Variants in FCN2 observed in about 807,000 individuals in gnomAD.
FCN2 encodes ficolin-2.
In FCN2, 31 loss-of-function variants were observed where a neutral mutation model predicts 32.5. The observed-to-expected ratio is 0.96, with a 90% CI of 0.72 to 1.29. The LOEUF (loss-of-function observed/expected upper bound fraction) is 1.29. FCN2 is among the 50% of genes most tolerant of loss of function. The pLI is 0.00. For missense variants in FCN2, 412 were observed against 406.5 expected, an observed-to-expected ratio of 1.01 and a Z score of -0.12; for synonymous variants, 181 against 164.5, an observed-to-expected ratio of 1.10 and a Z score of -0.77.
intron 1 of FCN2, among the ~76,000 whole-genome samples, chr9:134,881,239 G>A (rs1830659488): frequency 6.6e-6 from 1 of 152,180 alleles, no homozygotes; most frequent in South Asian, 2.1e-4. Flanking sequence ...GGTGAGGCTT[G>A]TGGTGCCAGC....
the FCN2 span, among the ~76,000 whole-genome samples, chr9:134,868,963 G>A: frequency 6.6e-6 from 1 of 152,200 alleles, no homozygotes; most frequent in African/African-American, 2.4e-5. This position sits in a 1 kb window ranked among gnomAD's most constrained non-coding sequence, Gnocchi z 4.3. Flanking sequence ...TCTCTGGTTG[G>A]TTTCTATCAT....
At chr9:134,886,734 G>A (rs1413472199) in intron 7 of FCN2, among the ~76,000 whole-genome samples, 170 bp downstream of exon 7, 1 of 152,148 alleles carries the variant, frequency 6.6e-6, no homozygotes, top group African/African-American at 2.4e-5. Context: ...TAGCATGGGG[G>A]TCATGGGACA....
rs1258436122 is a variant in FCN2, at chr9:134,886,500, C to T, written c.630C>T (p.Phe210=). 1 of 1,614,166 alleles carries T rather than the reference C, an allele frequency of 6.2e-7. No individual in the cohort carries two copies. The highest frequency in any genetic ancestry group is 1.1e-5 in the South Asian group (1 of 91,078). The change falls in exon 7 of 8, where the codon TTC becomes TTT. Residue 210 remains phenylalanine, a synonymous_variant. Coordinates refer to ENST00000291744, the MANE Select transcript of FCN2 (RefSeq NM_004108.3). ...ACCAGTTTGCTAAGTACAGATCATT[C>T]AAGGTGGCCGACGAGGCGGAGAAGT... is the stretch of plus-strand genomic sequence containing the variant. ...DNYQFAKYRS[F]KVADEAEKYN...
chr9:134,881,691 C>A (rs373988952), intron 1 of FCN2, among the ~76,000 whole-genome samples: 2 of 152,236 alleles, frequency 1.3e-5, no homozygotes, highest in Non-Finnish European at 2.9e-5. Flanking sequence ...TGACTAGCAT[C>A]GCATTCAAGG....
rs755400406 is a variant in FCN2 at position 134,883,388 on chromosome 9, A to C, written c.268+33A>C. ...GGGGACAAGAGTGAGAAGCGGCTTC[A>C]AGGCCCTTCCAGACCTGGCTGCAGA... On this transcript the variant is annotated intron_variant, in intron 3 of 7. Transcript: ENST00000291744. 2.5e-6 allele frequency: 4 copies of C among 1,596,854 alleles called. No individual in the cohort carries two copies. In the South Asian group the frequency reaches 4.4e-5, roughly 18 times the overall value.
the FCN2 span, among the ~76,000 whole-genome samples, chr9:134,868,688 C>T: frequency 6.6e-6 from 1 of 152,196 alleles, no homozygotes; most frequent in Admixed American, 6.5e-5. The surrounding 1 kb of genome is among the most constrained non-coding windows in gnomAD (Gnocchi z 4.3). Context: ...AGGCGAAGCC[C>T]CAGCGTGCCT....
upstream of FCN2, among the ~76,000 whole-genome samples, chr9:134,878,270 G>C (rs1405074984): frequency 6.6e-6 from 1 of 152,154 alleles, no homozygotes; most frequent in Admixed American, 6.5e-5. Context: ...AAAGGCCCTA[G>C]TTGGGACCCG....
At chr9:134,873,376 CT>C in the FCN2 span, among the ~76,000 whole-genome samples, 1 of 152,144 alleles carries the variant, frequency 6.6e-6, no homozygotes, top group Admixed American at 6.5e-5. Flanking sequence ...TCTTTTCCAG[CT>C]TTTAGAGGCT....
chr9:134,885,134 T>C, intron 4 of FCN2, 105 bp from the exon 5 acceptor site: 2 of 1,488,936 alleles, frequency 1.3e-6, no homozygotes, highest in Non-Finnish European at 9.2e-7. Context: ...GCTCTGTTCA[T>C]ACAGACGCCT....
At chr9:134,868,272 G>C in the FCN2 span, 1 of 152,498 alleles carries the variant, frequency 6.6e-6, no homozygotes, top group Non-Finnish European at 1.5e-5. The surrounding 1 kb of genome is among the most constrained non-coding windows in gnomAD (Gnocchi z 4.3). Flanking sequence ...CTCCACCGAA[G>C]ACCAAGACAA....
At chr9:134,865,839 C>T in the FCN2 span, among the ~76,000 whole-genome samples, 1 of 152,030 alleles carries the variant, frequency 6.6e-6, no homozygotes, top group East Asian at 1.9e-4. Context: ...TCTTATACAC[C>T]AACAACAGAC....
At chr9:134,864,390 C>T in the FCN2 span, among the ~76,000 whole-genome samples, 1 of 152,198 alleles carries the variant, frequency 6.6e-6, no homozygotes, top group Non-Finnish European at 1.5e-5. Context: ...AAGTGGGAAG[C>T]CTGTGGGGCC....
upstream of FCN2, among the ~76,000 whole-genome samples, chr9:134,879,918 G>C (rs1409469286): frequency 1.3e-5 from 2 of 152,086 alleles, no homozygotes; most frequent in East Asian, 3.9e-4. Context: ...CGGCCTCTGG[G>C]GCCCCACCTG....
Position 134,883,298 on chromosome 9 carries a change from G to T in FCN2, c.215-4G>T. ...CCTCAAGTCAGTGTCTTTGGAAATT[G>T]CAGGAGAACGTGGCCCCCCTGGACC... On this transcript the variant is annotated splice_polypyrimidine_tract_variant and splice_region_variant and intron_variant, in intron 2 of 7. Coordinates refer to ENST00000291744, the MANE Select transcript of FCN2 (RefSeq NM_004108.3). 4 of 1,612,156 alleles carry T rather than the reference G, an allele frequency of 2.5e-6. No individual in the cohort carries two copies. The highest frequency in any genetic ancestry group is 3.4e-6 in the Non-Finnish European group (4 of 1,178,274).
chr9:134,881,838 G>A (rs901974459), intron 1 of FCN2, among the ~76,000 whole-genome samples: 13 of 152,216 alleles, frequency 8.5e-5, no homozygotes, highest in Non-Finnish European at 1.6e-4. Context: ...GTTTCTAAAT[G>A]ATCAAATAAT....
the FCN2 span, among the ~76,000 whole-genome samples, chr9:134,870,244 C>A: frequency 4.4e-3 from 672 of 152,314 alleles, 4 homozygotes; most frequent in African/African-American, 0.012. The surrounding 1 kb of genome is among the most constrained non-coding windows in gnomAD (Gnocchi z 4.3). Context: ...GGCCATTGCC[C>A]CCCGAGGCAG....
the FCN2 span, among the ~76,000 whole-genome samples, chr9:134,866,793 GA>G: frequency 1.5e-5 from 2 of 130,030 alleles, no homozygotes; most frequent in East Asian, 4.6e-4. Context: ...AAATTTACAA[GA>G]AAAAAACAAA....
upstream of FCN2, among the ~76,000 whole-genome samples, chr9:134,878,609 A>T (rs1480515560): frequency 6.6e-6 from 1 of 152,206 alleles, no homozygotes; most frequent in Non-Finnish European, 1.5e-5. Context: ...TAGGGAGGCC[A>T]AGGTGGGTGG....
the FCN2 span, among the ~76,000 whole-genome samples, chr9:134,867,432 T>C: frequency 2.8e-5 from 4 of 141,842 alleles, no homozygotes; most frequent in Admixed American, 7.5e-5. Context: ...TAGGTGGGAA[T>C]TGAACAATGA....
Sources: allele counts gnomAD v4.1 joint callset (sites outside exome capture counted in the v4.1 genomes callset), GRCh38; gene constraint gnomAD v4.1.1; non-coding constraint Gnocchi (gnomAD v3.1); transcripts MANE v1.5; gene names NCBI Gene and HGNC (gene_info 2026-07-23, HGNC 2026-07-21).